Variants in DLC1 observed in about 807,000 individuals in gnomAD.
The protein encoded by DLC1 is rho GTPase-activating protein 7.
In DLC1, 54 loss-of-function variants were observed where a neutral mutation model predicts 140.3. The ratio of observed to expected loss-of-function variants is 0.38; its 90% confidence interval spans 0.31 to 0.48. The LOEUF (loss-of-function observed/expected upper bound fraction) is 0.48. DLC1 is among the 20% of genes least tolerant of loss of function. The probability of loss-of-function intolerance (pLI) is 0.96; values close to 1 mark genes in which losing one functional copy is unlikely to be tolerated. For synonymous variants in DLC1, 986 were observed against 728.1 expected (o/e 1.35, Z -5.70); for missense variants, 2,536 against 1,907.0 (o/e 1.33, Z -6.14).
intron 4 of DLC1, among the ~76,000 whole-genome samples, chr8:13,367,294 T>C (rs1027641887): frequency 6.6e-6 from 1 of 152,100 alleles, no homozygotes; most frequent in Non-Finnish European, 1.5e-5. Context: ...TCTCACTCAA[T>C]CCATCCAGAT....
chr8:13,365,300 TC>T (rs919789965), intron 4 of DLC1, among the ~76,000 whole-genome samples: 4 of 152,138 alleles, frequency 2.6e-5, no homozygotes, highest in Admixed American at 2.0e-4. Flanking sequence ...GAGTCAGATG[TC>T]CACAGGGCTT....
At chr8:13,379,869 A>G (rs1836172951) in intron 4 of DLC1, among the ~76,000 whole-genome samples, 2 of 152,200 alleles carry the variant, frequency 1.3e-5, no homozygotes, top group Non-Finnish European at 2.9e-5. Context: ...ACTGGAAACC[A>G]TCATTCTCAG....
chr8:13,281,978 T>A (rs1267504003), intron 5 of DLC1, among the ~76,000 whole-genome samples: 1 of 152,144 alleles, frequency 6.6e-6, no homozygotes, highest in Non-Finnish European at 1.5e-5. Flanking sequence ...TGTTTTCTCA[T>A]TTGCTAATGA....
At chr8:13,443,381 C>T (rs1448261518) in intron 2 of DLC1, among the ~76,000 whole-genome samples, 2 of 147,216 alleles carry the variant, frequency 1.4e-5, no homozygotes, top group African/African-American at 2.5e-5. Context: ...CAAATGAGGC[C>T]AGGCATGGTG....
chr8:13,206,730 T>A (rs1827680267), intron 5 of DLC1, among the ~76,000 whole-genome samples: 2 of 152,158 alleles, frequency 1.3e-5, no homozygotes, highest in South Asian at 4.1e-4. Context: ...AAAACCCAAA[T>A]TAGTAAAAAG....
At chr8:13,433,180 G>GA (rs1418427418) in intron 2 of DLC1, among the ~76,000 whole-genome samples, 1 of 152,006 alleles carries the variant, frequency 6.6e-6, no homozygotes, top group Non-Finnish European at 1.5e-5. Flanking sequence ...AAGAATTTAT[G>GA]AAAAAATGTG....
At chr8:13,583,610 A>G (rs1448078743) in intron 1 of DLC1, among the ~76,000 whole-genome samples, 1 of 152,258 alleles carries the variant, frequency 6.6e-6, no homozygotes, top group Non-Finnish European at 1.5e-5. Flanking sequence ...AAAGTGAAGC[A>G]CTATAAAACA....
At chr8:13,510,941 T>C (rs1238666517) in intron 1 of DLC1, among the ~76,000 whole-genome samples, 2 of 152,128 alleles carry the variant, frequency 1.3e-5, no homozygotes, top group Non-Finnish European at 2.9e-5. Flanking sequence ...GAAGTCCAAC[T>C]CCCACACATT....
At chr8:13,352,278 C>T (rs553419065) in intron 4 of DLC1, among the ~76,000 whole-genome samples, 1 of 152,246 alleles carries the variant, frequency 6.6e-6, no homozygotes, top group Non-Finnish European at 1.5e-5. Flanking sequence ...GCAAAAGCAA[C>T]AGGAAGTAAA....
Position 13,091,442 on chromosome 8 carries a change from A to G in DLC1, c.3741-10T>C, listed in dbSNP as rs609020. 0.56 allele frequency: 898,642 copies of G among 1,609,414 alleles called. 254,835 individuals carry two copies. The highest frequency in any genetic ancestry group is 0.72 in the African/African-American group (53,950 of 74,768). ...TTTTCTTTGCATTACCCTAGGTAGA[A>G]GAAATACAGGAGGGGAACAGTTCAA... On this transcript the variant is annotated splice_polypyrimidine_tract_variant and intron_variant, in intron 13 of 17. Transcript: ENST00000276297.
At chr8:13,409,904 A>G (rs1014610504) in intron 2 of DLC1, among the ~76,000 whole-genome samples, 2 of 152,048 alleles carry the variant, frequency 1.3e-5, no homozygotes, top group African/African-American at 2.4e-5. Context: ...AGGCTAAGCT[A>G]TGTGTTTTTA....
intron 5 of DLC1, chr8:13,133,281 G>C (rs1177872672): frequency 1.1e-5 from 14 of 1,308,906 alleles, no homozygotes; most frequent in Non-Finnish European, 1.1e-5. Context: ...CGGGCAGTCG[G>C]AGCGAACTGT....
intron 1 of DLC1, among the ~76,000 whole-genome samples, chr8:13,555,889 C>T (rs946656555): frequency 1.3e-4 from 19 of 151,914 alleles, no homozygotes; most frequent in African/African-American, 4.6e-4. Context: ...CATAGGGTTT[C>T]ATCACATTTT....
At chr8:13,442,956 A>G (rs944036618) in intron 2 of DLC1, among the ~76,000 whole-genome samples, 2 of 152,172 alleles carry the variant, frequency 1.3e-5, no homozygotes, top group Non-Finnish European at 2.9e-5. Context: ...AACCAACCCA[A>G]ATGTCCAACA....
intron 5 of DLC1, among the ~76,000 whole-genome samples, chr8:13,139,829 C>G (rs1275013639): frequency 6.6e-6 from 1 of 152,224 alleles, no homozygotes; most frequent in African/African-American, 2.4e-5. Context: ...ATTGTGATCA[C>G]TTTTTATTTC....
chr8:13,410,295 G>A (rs1035950726), intron 2 of DLC1, among the ~76,000 whole-genome samples: 1 of 151,960 alleles, frequency 6.6e-6, no homozygotes, highest in African/African-American at 2.4e-5. Flanking sequence ...AGGAAACACT[G>A]GAAATATTTC....
chr8:13,335,382 C>G (rs1289586040), intron 4 of DLC1, among the ~76,000 whole-genome samples: 1 of 152,066 alleles, frequency 6.6e-6, no homozygotes, highest in Non-Finnish European at 1.5e-5. Flanking sequence ...GGTATAGAAA[C>G]CAAGGACATG....
chr8:13,364,337 T>A (rs1563286917), intron 4 of DLC1, among the ~76,000 whole-genome samples: 1 of 151,670 alleles, frequency 6.6e-6, no homozygotes, highest in Admixed American at 6.6e-5. Flanking sequence ...CTTGCTCTGT[T>A]GCACAGGTTG....
intron 4 of DLC1, among the ~76,000 whole-genome samples, chr8:13,358,419 G>T (rs369361370): frequency 6.6e-6 from 1 of 152,132 alleles, no homozygotes; most frequent in Non-Finnish European, 1.5e-5. Context: ...CCTTTGACTT[G>T]CATTTAGTCC....
Sources: gnomAD v4.1 joint callset for allele counts (sites outside exome capture counted in the v4.1 genomes callset) on GRCh38, gnomAD v4.1.1 for gene constraint, MANE v1.5 for transcripts, NCBI Gene and HGNC (gene_info 2026-07-23, HGNC 2026-07-21) for gene names.